Variants in OC90 observed in about 807,000 individuals in gnomAD.
OC90 encodes otoconin-90.
Under a neutral mutation model 47.3 loss-of-function variants are expected in OC90, and 46 were observed. The observed-to-expected ratio is 0.97, with a 90% CI of 0.77 to 1.24. The LOEUF is 1.24. Among genes scored for constraint, OC90 ranks in the 50% most tolerant of loss-of-function variants. The pLI, the probability that OC90 is intolerant of heterozygous loss-of-function variation, is 0.00. For missense variants in OC90, 688 were observed against 583.9 expected (o/e 1.18, Z -1.84); for synonymous variants, 271 against 219.5 (o/e 1.23, Z -2.07).
chr8:132,040,942 G>A (rs1267241815), intron 6 of OC90, 102 bp downstream of exon 6: 5 of 746,390 alleles, frequency 6.7e-6, no homozygotes, highest in African/African-American at 1.7e-5. Flanking sequence ...CAGTGGTGAC[G>A]ATGATGTGAG....
intron 13 of OC90, 113 bp from the exon 14 acceptor site, chr8:132,024,889 C>T (rs1221271251): frequency 2.3e-6 from 2 of 859,044 alleles, no homozygotes; most frequent in South Asian, 1.8e-5. Flanking sequence ...CTTCCACACA[C>T]CTTCAGGGTA....
At chr8:132,038,730 G>A (rs1223253783) in intron 8 of OC90, 60 bp downstream of exon 8, 50 of 1,342,016 alleles carry the variant, frequency 3.7e-5, no homozygotes, top group Non-Finnish European at 2.9e-5. Context: ...TGTATCCACC[G>A]GCTCCCATCA....
intron 12 of OC90, among the ~76,000 whole-genome samples, chr8:132,030,298 T>C (rs61673913): frequency 0.28 from 42,992 of 152,074 alleles, 6,543 homozygotes; most frequent in South Asian, 0.35. Flanking sequence ...AAATAAATTC[T>C]TATAAAAAAA....
chr8:132,043,592 G>A (rs902513583), intron 4 of OC90, among the ~76,000 whole-genome samples: 3 of 152,150 alleles, frequency 2.0e-5, no homozygotes, highest in Non-Finnish European at 2.9e-5. Context: ...GTCACAAGAC[G>A]GAGCTTAAGG....
intron 2 of OC90, among the ~76,000 whole-genome samples, chr8:132,053,061 C>A (rs1412193458): frequency 6.6e-6 from 1 of 152,096 alleles, no homozygotes; most frequent in African/African-American, 2.4e-5. Context: ...GCTTGTACTG[C>A]ACCCTGGGGC....
intron 10 of OC90, 139 bp downstream of exon 10, chr8:132,034,642 C>A: frequency 1.7e-6 from 1 of 601,118 alleles, no homozygotes; most frequent in South Asian, 2.4e-5. Flanking sequence ...TAAATGCTTC[C>A]GATTCTTGCC....
intron 2 of OC90, among the ~76,000 whole-genome samples, chr8:132,046,546 A>T (rs1823135995): frequency 6.6e-6 from 1 of 152,192 alleles, no homozygotes. Context: ...TTCAGCCAAG[A>T]CTTCATCATG....
chr8:132,044,375 A>G (rs1005812436), intron 4 of OC90, 58 bp downstream of exon 4: 2 of 969,580 alleles, frequency 2.1e-6, no homozygotes, highest in African/African-American at 1.6e-5. Flanking sequence ...ATTTCCTTAG[A>G]TTTGTCCACA....
chr8:132,046,135 G>A (rs1219900012), intron 2 of OC90, among the ~76,000 whole-genome samples: 1 of 152,152 alleles, frequency 6.6e-6, no homozygotes, highest in Non-Finnish European at 1.5e-5. Context: ...GGGATGGAGA[G>A]GTTGGGAGAC....
Position 132,035,830 on chromosome 8 carries a change from C to T in OC90, c.680-996G>A, listed in dbSNP as rs77060755. ...TGTTTGTCTGTAAAATGAGGATAGG[C>T]CTCCAAGGACCAGGGAAGACTAATT... On this transcript the variant is annotated intron_variant, in intron 9 of 13. Transcript: ENST00000254627. 1.0e-3 allele frequency among the ~76,000 whole-genome samples: 154 copies of T among 152,306 alleles called. 5 individuals are homozygous for T. The highest frequency in any genetic ancestry group is 3.7e-3 in the East Asian group (19 of 5,176).
chr8:132,055,046 G>C lies in OC90; in HGVS notation c.-20C>G, dbSNP rs1031151456. On this transcript the variant is annotated 5_prime_UTR_variant, in exon 2 of 14. Coordinates refer to ENST00000254627, the MANE Select transcript of OC90 (RefSeq NM_001080399.3). ...AATCATAGCAGGAGAACAAAGGATG[G>C]GGCTTAGGCAGCAACTGGAACGGAC... is the stretch of plus-strand genomic sequence containing the variant. 1.3e-6 allele frequency: 2 copies of C among 1,550,000 alleles called. No homozygotes were observed. The highest frequency in any genetic ancestry group is 1.7e-6 in the Non-Finnish European group (2 of 1,145,810).
rs184651879 is a variant in OC90 at position 132,042,664 on chromosome 8, G to T, written c.170-965C>A. On this transcript the variant is annotated intron_variant, in intron 4 of 13. Coordinates refer to ENST00000254627, the MANE Select transcript of OC90 (RefSeq NM_001080399.3). ...TCTGTTCTTGCATTAAGTCACTTAG[G>T]ATAATGGCCTCAAACTCCCTCCATG... Among the ~76,000 whole-genome samples the T allele has an allele frequency of 3.3e-3, 509 of 152,228 alleles. 2 individuals are homozygous for T. Among genetic ancestry groups the T allele is most frequent in the Middle Eastern group, 0.014 (4 of 294 alleles).
rs533477741 is a variant in OC90 at position 132,039,091 on chromosome 8, T to A, written c.490A>T (p.Thr164Ser). The A allele has an allele frequency of 3.1e-6, 5 of 1,612,742 alleles. No homozygotes were observed. Among genetic ancestry groups the A allele is most frequent in the Non-Finnish European group, 2.5e-6 (3 of 1,179,440 alleles). ...CACTCTATGGCAGCCTTATCACAGG[T>A]ACACAGCAGGTGCTCACAGTTGTCC... is the stretch of plus-strand genomic sequence containing the variant. Reference protein sequence around the residue: ...SKDNCEHLLCTCDKAAIECLA... With the variant: ...SKDNCEHLLCSCDKAAIECLA... Residue 164 changes from threonine to serine, a missense_variant, in exon 7 of 14, where the codon ACC (threonine) becomes TCC (serine). By Grantham distance (58) the Thr-to-Ser change is moderately conservative. Transcript: ENST00000254627.
chr8:132,037,553 T>G (rs1196701841), intron 8 of OC90, 65 bp from the exon 9 acceptor site: 1 of 1,435,116 alleles, frequency 7.0e-7, no homozygotes, highest in Non-Finnish European at 9.6e-7. Context: ...AAGCACAGGG[T>G]CTCAAAGGAA....
At chr8:132,050,021 C>A (rs1038147098) in intron 2 of OC90, among the ~76,000 whole-genome samples, 2 of 152,154 alleles carry the variant, frequency 1.3e-5, no homozygotes, top group Admixed American at 6.5e-5. Flanking sequence ...TTTTGTCCAA[C>A]AGGCCTGACT....
chr8:132,028,930 G>A (rs6471024), intron 13 of OC90, 143 bp downstream of exon 13: 395,741 of 549,692 alleles, frequency 0.72, 142,923 homozygotes, highest in East Asian at 0.76. Flanking sequence ...GGAAGGAAGG[G>A]AAGGAAGGAA....
chr8:132,050,876 C>A (rs2130863732), intron 2 of OC90, among the ~76,000 whole-genome samples: 1 of 152,232 alleles, frequency 6.6e-6, no homozygotes, highest in South Asian at 2.1e-4. Context: ...GGCATGTAAT[C>A]CCAGCTACTC....
At chr8:132,038,757 G>T in intron 8 of OC90, 33 bp downstream of exon 8, 1 of 1,583,506 alleles carries the variant, frequency 6.3e-7, no homozygotes. Flanking sequence ...GGGCCCTTGT[G>T]GTTCAAGAGC....
At position 132,031,891 on chromosome 8, in the gene OC90, C is replaced by G; in HGVS notation, c.1021G>C (p.Asp341His). The G allele has an allele frequency of 6.2e-7, 1 of 1,613,818 alleles. No homozygotes were observed. The change falls in exon 12 of 14, where the codon GAC (aspartate) becomes CAC (histidine). Residue 341 changes from aspartate (D) to histidine (H), a missense_variant. Asp to His is a moderately conservative substitution (Grantham distance 81, BLOSUM62 -1). Coordinates refer to ENST00000254627, the MANE Select transcript of OC90 (RefSeq NM_001080399.3). ...GQEGRGEPRD[D>H]LDRCCLSHHC... ...GCTGGCTCTCCATACCTGTCTAGGT[C>G]ATCCCTTGGCTCGCCTCTTCCTTCT...
Sources: allele counts gnomAD v4.1 joint callset (sites outside exome capture counted in the v4.1 genomes callset), GRCh38; gene constraint gnomAD v4.1.1; transcripts MANE v1.5; gene names NCBI Gene and HGNC (gene_info 2026-07-23, HGNC 2026-07-21).